C2orf42: variants seen among roughly 807,000 people sequenced by gnomAD.
The protein encoded by C2orf42 is chromosome 2 open reading frame 42.
Under a neutral mutation model 58.9 loss-of-function variants are expected in C2orf42, and 44 were observed. The observed-to-expected ratio is 0.75, with a 90% CI of 0.59 to 0.96. The LOEUF (loss-of-function observed/expected upper bound fraction) is 0.96, where lower values mean the gene tolerates loss of function less well. Ranked by LOEUF, C2orf42 falls within the 40% of genes least tolerant of loss-of-function variation. The pLI is 0.00. For missense variants in C2orf42, 630 were observed against 699.2 expected, an observed-to-expected ratio of 0.90 and a Z score of 1.12; for synonymous variants, 239 against 265.4, an observed-to-expected ratio of 0.90 and a Z score of 0.97.
intron 1 of C2orf42, among the ~76,000 whole-genome samples, chr2:70,186,470 G>A (rs1674942802): frequency 6.6e-6 from 1 of 152,214 alleles, no homozygotes; most frequent in East Asian, 1.9e-4. Context: ...ATGTGCTGGA[G>A]AGGATGTGGA....
In C2orf42 at chr2:70,165,646, C is replaced by T; in HGVS notation, c.1145-11G>A. ...ATGGTTCTGGTTTGCCTATGGGAAACAAGAAGAAACAACTCATTTAAAGAA... is the reference window on the plus strand; with the variant it reads ...ATGGTTCTGGTTTGCCTATGGGAAATAAGAAGAAACAACTCATTTAAAGAA... On this transcript the variant is annotated splice_polypyrimidine_tract_variant and intron_variant, in intron 6 of 9. Transcript: ENST00000264434. The T allele has an allele frequency of 7.0e-7, 1 of 1,423,588 alleles. No individual in the cohort carries two copies. The highest frequency in any genetic ancestry group is 9.9e-7 in the Non-Finnish European group (1 of 1,009,366). 88.2% of individuals were successfully genotyped at this position (1,423,588 alleles called of 1,614,324 possible). A position where few individuals can be genotyped will look rare whatever the true frequency, so the allele number is the denominator to read the frequency against.
intron 9 of C2orf42, 54 bp from the exon 10 acceptor site, chr2:70,150,618 C>G: frequency 7.4e-7 from 1 of 1,346,002 alleles, no homozygotes; most frequent in Non-Finnish European, 1.1e-6. Flanking sequence ...AATGGGTGTT[C>G]CTAATTGCAA....
chr2:70,186,334 A>G (rs143402105), intron 1 of C2orf42, among the ~76,000 whole-genome samples: 1,549 of 152,254 alleles, frequency 0.01, 107 homozygotes, highest in Admixed American at 0.093. Flanking sequence ...ACACACATAT[A>G]TACAATTTGT....
intron 8 of C2orf42, among the ~76,000 whole-genome samples, chr2:70,163,355 C>T (rs1673184402): frequency 6.6e-6 from 1 of 151,886 alleles, no homozygotes; most frequent in Non-Finnish European, 1.5e-5. Context: ...CACCATTCTC[C>T]TGACTCAGCC....
At position 70,188,441 on chromosome 2, in the gene C2orf42, C is replaced by T. The variant is rs924658014; in HGVS notation, c.-282+2532G>A. Among the ~76,000 whole-genome samples the T allele has an allele frequency of 9.2e-5, 14 of 152,184 alleles. No homozygotes were observed. In the East Asian group the frequency reaches 9.6e-4, roughly 10 times the overall value. On this transcript the variant is annotated intron_variant, in intron 1 of 9. Transcript: ENST00000264434. The stretch of plus-strand genomic sequence containing the variant: ...CTGACCTCAAGTGATCTGCCTGTCT[C>T]GGCCTCCCAAAGTACTGGGATTACA...
At chr2:70,166,422 T>C (rs1329085930) in intron 6 of C2orf42, among the ~76,000 whole-genome samples, 1 of 147,692 alleles carries the variant, frequency 6.8e-6, no homozygotes, top group Non-Finnish European at 1.5e-5. Flanking sequence ...TCCCAGCACT[T>C]TGGGAGGCCG....
At chr2:70,175,802 T>A in intron 4 of C2orf42, 25 bp from the exon 5 acceptor site, 1 of 1,297,326 alleles carries the variant, frequency 7.7e-7, no homozygotes, top group Non-Finnish European at 1.1e-6. Flanking sequence ...ATTACAGGTT[T>A]AACAATGTAT....
intron 9 of C2orf42, among the ~76,000 whole-genome samples, chr2:70,158,218 G>T (rs996714951): frequency 4.0e-5 from 6 of 149,188 alleles, no homozygotes; most frequent in Non-Finnish European, 8.9e-5. Flanking sequence ...AAAAAAGAAA[G>T]AAATTAAAGA....
chr2:70,157,445 T>C (rs1672750768), intron 9 of C2orf42, among the ~76,000 whole-genome samples: 1 of 138,164 alleles, frequency 7.2e-6, no homozygotes, highest in African/African-American at 2.8e-5. Flanking sequence ...ACAGCGAGAC[T>C]CCCGTCTCAA....
intron 2 of C2orf42, among the ~76,000 whole-genome samples, chr2:70,182,245 A>G (rs1469906340): frequency 6.6e-6 from 1 of 151,882 alleles, no homozygotes; most frequent in Non-Finnish European, 1.5e-5. Context: ...GACTATAGGC[A>G]CCCGCCACCA....
rs540186994 is a variant in C2orf42 at position 70,177,043 on chromosome 2, G to A, written c.935-1266C>T. Among the ~76,000 whole-genome samples, 16 of 152,132 alleles carry A rather than the reference G, an allele frequency of 1.1e-4. No homozygotes were observed. The East Asian group carries it at 1.7e-3, about 17-fold the overall frequency. On this transcript the variant is annotated intron_variant, in intron 4 of 9. Transcript: ENST00000264434. ...TCCCACCACTTTGGGAGGCCGAGAC[G>A]GGTGGATCACCTGAAGTCAGGAGTT...
At chr2:70,150,912 A>T (rs917028074) in intron 9 of C2orf42, among the ~76,000 whole-genome samples, 1 of 152,004 alleles carries the variant, frequency 6.6e-6, no homozygotes, top group Non-Finnish European at 1.5e-5. Context: ...CACCTGGCTA[A>T]TTTTTTGTAT....
chr2:70,166,124 C>T (rs542373665), intron 6 of C2orf42, among the ~76,000 whole-genome samples: 62 of 151,782 alleles, frequency 4.1e-4, no homozygotes, highest in African/African-American at 1.4e-3. Flanking sequence ...CTCCTGACCT[C>T]GTGATCCACC....
chr2:70,154,028 G>A (rs1273336999), intron 9 of C2orf42, among the ~76,000 whole-genome samples: 1 of 151,194 alleles, frequency 6.6e-6, no homozygotes, highest in Admixed American at 6.6e-5. Flanking sequence ...ACTCCAGCCT[G>A]GGTGACAGAG....
At chr2:70,189,513 C>T (rs1366911584) in intron 1 of C2orf42, among the ~76,000 whole-genome samples, 1 of 146,724 alleles carries the variant, frequency 6.8e-6, no homozygotes, top group African/African-American at 2.5e-5. Flanking sequence ...GTCAGGAGAT[C>T]GAGACCATCC....
chr2:70,188,289 G>A (rs1189723065), intron 1 of C2orf42, among the ~76,000 whole-genome samples: 1 of 152,064 alleles, frequency 6.6e-6, no homozygotes, highest in Non-Finnish European at 1.5e-5. Flanking sequence ...CCGGGTTCAA[G>A]CAATTCTCCT....
Position 70,181,531 on chromosome 2 carries a change from T to C in C2orf42, c.455A>G (p.Lys152Arg). 1 of 1,613,778 alleles carries C rather than the reference T, an allele frequency of 6.2e-7. No homozygotes were observed. Among genetic ancestry groups the C allele is most frequent in the South Asian group, 1.1e-5 (1 of 91,088 alleles). The change falls in exon 3 of 10, where the codon AAG (lysine) becomes AGG (arginine). Residue 152 changes from lysine (K) to arginine (R), a missense_variant. Lys to Arg is a conservative substitution (Grantham distance 26). Transcript: ENST00000264434. ...CTGCATTGCATTCAGGACCGAGCTCTTCAGGGTCAGAGGGGTGGCCTCTGC... is the reference window on the plus strand; with the variant it reads ...CTGCATTGCATTCAGGACCGAGCTCCTCAGGGTCAGAGGGGTGGCCTCTGC... ...CQAEATPLTL[K>R]SSVLNAMQAS...
intron 1 of C2orf42, among the ~76,000 whole-genome samples, chr2:70,183,246 G>T (rs1674694712): frequency 6.6e-6 from 1 of 151,904 alleles, no homozygotes; most frequent in Admixed American, 6.6e-5. Context: ...AGACCAGCCT[G>T]GACAACATAG....
At chr2:70,165,225 C>T (rs1379258442) in intron 7 of C2orf42, 33 bp from the exon 8 acceptor site, 1 of 1,202,862 alleles carries the variant, frequency 8.3e-7, no homozygotes, top group East Asian at 2.3e-5. Flanking sequence ...AATTAGATTA[C>T]CAAAAAATAA....
Sources: gnomAD v4.1 joint callset for allele counts (sites outside exome capture counted in the v4.1 genomes callset) on GRCh38, gnomAD v4.1.1 for gene constraint, MANE v1.5 for transcripts, NCBI Gene and HGNC (gene_info 2026-07-23, HGNC 2026-07-21) for gene names.